Variants in TBC1D12 observed in about 807,000 individuals in gnomAD.
TBC1D12 encodes the protein TBC1 domain family member 12.
TBC1D12 carries 56 observed loss-of-function variants against 86.7 expected under a neutral mutation model. That is an observed-to-expected ratio of 0.65 (90% CI 0.52 to 0.81). The LOEUF (loss-of-function observed/expected upper bound fraction) is 0.81. TBC1D12 is among the 30% of genes least tolerant of loss of function. TBC1D12 has a pLI of 0.00. For synonymous variants in TBC1D12, 421 were observed against 411.7 expected, an observed-to-expected ratio of 1.02 and a Z score of -0.27; for missense variants, 1,023 against 1,038.8, an observed-to-expected ratio of 0.98 and a Z score of 0.21.
intron 2 of TBC1D12, among the ~76,000 whole-genome samples, chr10:94,470,290 T>C (rs907133330): frequency 3.9e-5 from 6 of 152,196 alleles, no homozygotes; most frequent in African/African-American, 1.4e-4. Flanking sequence ...TTTTCTGTTA[T>C]ATATAATCAA....
intron 9 of TBC1D12, among the ~76,000 whole-genome samples, chr10:94,514,924 T>TC (rs1307641788): frequency 3.4e-5 from 5 of 147,788 alleles, no homozygotes; most frequent in Admixed American, 6.7e-5. Context: ...TTTTTTTTTT[T>TC]TGAGACGGAG....
intron 1 of TBC1D12, among the ~76,000 whole-genome samples, chr10:94,440,782 A>G (rs2055369575): frequency 1.3e-5 from 2 of 152,172 alleles, no homozygotes; most frequent in African/African-American, 2.4e-5. Context: ...TTTGATGGGT[A>G]CATATGTTGA....
At chr10:94,458,919 G>A (rs1323975060) in intron 2 of TBC1D12, among the ~76,000 whole-genome samples, 1 of 152,146 alleles carries the variant, frequency 6.6e-6, no homozygotes, top group Non-Finnish European at 1.5e-5. Flanking sequence ...CCCAAAGAAT[G>A]AGCAGCAGCA....
intron 3 of TBC1D12, among the ~76,000 whole-genome samples, chr10:94,485,347 A>G (rs185769993): frequency 1.2e-3 from 190 of 152,158 alleles, no homozygotes; most frequent in Non-Finnish European, 2.0e-3. Context: ...TTGAAATTAT[A>G]TGGTTTTTGT....
intron 6 of TBC1D12, 32 bp downstream of exon 6, chr10:94,500,359 G>T (rs1246900150): frequency 6.3e-7 from 1 of 1,580,556 alleles, no homozygotes; most frequent in South Asian, 1.1e-5. Flanking sequence ...ATTCCCACAT[G>T]TACAAATAGC....
intron 1 of TBC1D12, among the ~76,000 whole-genome samples, chr10:94,413,051 T>C (rs978193498): frequency 6.6e-6 from 1 of 152,210 alleles, no homozygotes; most frequent in Non-Finnish European, 1.5e-5. Context: ...GGCTGGTTAA[T>C]AGGCAGGTCT....
At chr10:94,406,535 T>A (rs2054855882) in intron 1 of TBC1D12, among the ~76,000 whole-genome samples, 2 of 152,268 alleles carry the variant, frequency 1.3e-5, no homozygotes, top group South Asian at 4.1e-4. Context: ...TAGCCACTGG[T>A]ATGAAGAACA....
chr10:94,428,892 A>G (rs1416290520), intron 1 of TBC1D12, among the ~76,000 whole-genome samples: 8 of 151,420 alleles, frequency 5.3e-5, no homozygotes, highest in Non-Finnish European at 5.9e-5. Context: ...TTTTGTAGAG[A>G]CGGGGTTTCG....
chr10:94,532,029 C>T (rs575386456), intron 12 of TBC1D12, among the ~76,000 whole-genome samples: 32 of 150,686 alleles, frequency 2.1e-4, no homozygotes, highest in African/African-American at 5.6e-4. Flanking sequence ...TACAGGTGCC[C>T]GCCACCACGC....
chr10:94,515,702 A>C lies in TBC1D12; in HGVS notation c.1761+4048A>C, dbSNP rs1029757453. ...CTGCAGATAGTGCAGAATCCTATAT[A>C]TACTATGTTTTTTCTGTACATACAT... is the stretch of plus-strand genomic sequence containing the variant. On this transcript the variant is annotated intron_variant, in intron 9 of 12. Transcript: ENST00000225235. Among the ~76,000 whole-genome samples, 8 of 152,362 alleles carry C rather than the reference A, an allele frequency of 5.3e-5. 1 individual carries two copies. The South Asian group carries it at 1.0e-3, about 20-fold the overall frequency.
intron 1 of TBC1D12, among the ~76,000 whole-genome samples, chr10:94,404,601 G>A (rs1373638136): frequency 1.3e-5 from 2 of 150,704 alleles, no homozygotes; most frequent in African/African-American, 4.9e-5. Flanking sequence ...AACCTAGATC[G>A]TGCCATTGCA....
chr10:94,449,111 T>A (rs759185012), intron 2 of TBC1D12, among the ~76,000 whole-genome samples: 1 of 152,144 alleles, frequency 6.6e-6, no homozygotes, highest in Non-Finnish European at 1.5e-5. Flanking sequence ...ACGGTAGAAT[T>A]TGAGGGGACG....
At chr10:94,465,863 CATAT>C (rs2055809937) in intron 2 of TBC1D12, among the ~76,000 whole-genome samples, 1 of 150,752 alleles carries the variant, frequency 6.6e-6, no homozygotes. Context: ...TGCATACATA[CATAT>C]ATACACATAC....
chr10:94,419,829 T>TC lies in TBC1D12; in HGVS notation c.971+16246dup, dbSNP rs899294427. 3.3e-5 allele frequency among the ~76,000 whole-genome samples: 5 copies of TC among 152,128 alleles called. 1 individual carries two copies. Among genetic ancestry groups the TC allele is most frequent in the African/African-American group, 1.2e-4 (5 of 41,420 alleles). ...ACAGAGCCACAAAGAAAAAAGTGAATCTCCTCTAAGTAGTTTTTATTTTAC... is the reference window on the plus strand; with the variant it reads ...ACAGAGCCACAAAGAAAAAAGTGAATCCTCCTCTAAGTAGTTTTTATTTTAC... On this transcript the variant is annotated intron_variant, in intron 1 of 12. Transcript: ENST00000225235.
intron 2 of TBC1D12, among the ~76,000 whole-genome samples, chr10:94,459,551 G>T (rs2055690456): frequency 6.6e-6 from 1 of 152,250 alleles, no homozygotes; most frequent in African/African-American, 2.4e-5. Context: ...AGGCGGCGGT[G>T]CCCGTCGGGG....
rs148194767 is a variant in TBC1D12 at position 94,486,291 on chromosome 10, G to A, written c.1212-7074G>A. Among the ~76,000 whole-genome samples, 74 of 151,680 alleles carry A rather than the reference G, an allele frequency of 4.9e-4. No individual in the cohort carries two copies. In the East Asian group the frequency reaches 0.014, roughly 28 times the overall value. On this transcript the variant is annotated intron_variant, in intron 3 of 12. Transcript: ENST00000225235. ...GCCTCCTGAGTAGCTGGGACTAAAG[G>A]CACATGCCACCATGCCCAGCTAATT...
intron 2 of TBC1D12, among the ~76,000 whole-genome samples, chr10:94,454,298 A>C (rs1310712938): frequency 1.3e-5 from 2 of 151,872 alleles, no homozygotes; most frequent in Non-Finnish European, 2.9e-5. Context: ...CACAACCTCC[A>C]CCTCCCAGGT....
At chr10:94,477,740 G>A (rs905782253) in intron 3 of TBC1D12, among the ~76,000 whole-genome samples, 1 of 152,160 alleles carries the variant, frequency 6.6e-6, no homozygotes, top group Non-Finnish European at 1.5e-5. Flanking sequence ...GGTGGCATCT[G>A]GAAGAAGATA....
At chr10:94,452,576 T>C (rs1416644861) in intron 2 of TBC1D12, among the ~76,000 whole-genome samples, 1 of 152,178 alleles carries the variant, frequency 6.6e-6, no homozygotes, top group East Asian at 1.9e-4. Flanking sequence ...CTTAGTAATA[T>C]ACATTTATAT....
Sources: allele counts gnomAD v4.1 joint callset (sites outside exome capture counted in the v4.1 genomes callset), GRCh38; gene constraint gnomAD v4.1.1; transcripts MANE v1.5; gene names NCBI Gene and HGNC (gene_info 2026-07-23, HGNC 2026-07-21).